IMPG2: variants seen among roughly 807,000 people sequenced by gnomAD.
IMPG2 encodes the protein IPM 200.
In IMPG2, 91 loss-of-function variants were observed where a neutral mutation model predicts 129.2. The observed-to-expected ratio is 0.70, with a 90% CI of 0.59 to 0.84. IMPG2 has a LOEUF of 0.84. IMPG2 is among the 40% of genes least tolerant of loss of function. The pLI is 0.00. For missense variants in IMPG2, 1,430 were observed against 1,461.7 expected (o/e 0.98, Z 0.35); for synonymous variants, 510 against 517.7 (o/e 0.99, Z 0.20).
intron 4 of IMPG2, among the ~76,000 whole-genome samples, chr3:101,284,090 T>A (rs1706921061): frequency 6.6e-6 from 1 of 152,132 alleles, no homozygotes; most frequent in Non-Finnish European, 1.5e-5. Flanking sequence ...GGATTGGATG[T>A]GAGGTGTGGG....
Position 101,320,460 on chromosome 3 carries a change from G to A in IMPG2, c.-88C>T. The A allele has an allele frequency of 1.3e-6, 1 of 793,878 alleles. No individual in the cohort carries two copies. Among genetic ancestry groups the A allele is most frequent in the Non-Finnish European group, 2.2e-6 (1 of 453,236 alleles). The allele number at this position is 793,878 out of a possible 1,614,324, so 49.2% of individuals were successfully genotyped here. ...AAACTTCCAATAACAAAGAGTTATA[G>A]GAAAGACCTAACATTTAAAAGTCTA... On this transcript the variant is annotated 5_prime_UTR_variant, in exon 1 of 19. Coordinates refer to ENST00000193391, the MANE Select transcript of IMPG2 (RefSeq NM_016247.4).
intron 10 of IMPG2, among the ~76,000 whole-genome samples, chr3:101,255,607 T>C (rs1467005085): frequency 6.6e-6 from 1 of 152,130 alleles, no homozygotes; most frequent in East Asian, 1.9e-4. Flanking sequence ...ATCTCCTAAC[T>C]ATATCTTTTC....
chr3:101,227,469 T>C (rs994753187), intron 18 of IMPG2, among the ~76,000 whole-genome samples: 1 of 152,220 alleles, frequency 6.6e-6, no homozygotes, highest in Non-Finnish European at 1.5e-5. Flanking sequence ...CCTATAAGGC[T>C]CTCCTGAATC....
chr3:101,307,705 G>C (rs573294554), intron 2 of IMPG2, among the ~76,000 whole-genome samples: 2 of 152,270 alleles, frequency 1.3e-5, no homozygotes, highest in South Asian at 4.2e-4. Context: ...GAGATTTTGG[G>C]TGGGGATACA....
intron 5 of IMPG2, 140 bp downstream of exon 5, chr3:101,276,524 T>A: frequency 1.5e-6 from 1 of 660,886 alleles, no homozygotes; most frequent in Admixed American, 2.9e-5. Flanking sequence ...TACTTTTTCT[T>A]GAGACTCTTG....
chr3:101,230,948 C>T lies in IMPG2; in HGVS notation c.3422+9G>A, dbSNP rs754210120. 2 of 1,609,058 alleles carry T rather than the reference C, an allele frequency of 1.2e-6. No individual in the cohort carries two copies. ...TGTATTCCATTAGAGAGCTCTTTTC[C>T]TTATTTACCTGAAGGGACTCTCTCT... On this transcript the variant is annotated intron_variant, in intron 16 of 18. Transcript: ENST00000193391.
chr3:101,250,261 G>A (rs1481657246), intron 11 of IMPG2, among the ~76,000 whole-genome samples: 1 of 152,248 alleles, frequency 6.6e-6, no homozygotes, highest in Admixed American at 6.5e-5. Flanking sequence ...CAAGAACATA[G>A]GAGATAGAGC....
At chr3:101,256,461 G>A (rs946646316) in intron 10 of IMPG2, among the ~76,000 whole-genome samples, 56 of 152,152 alleles carry the variant, frequency 3.7e-4, no homozygotes, top group African/African-American at 1.3e-3. Flanking sequence ...AAAAAATCTT[G>A]ATTCCTATGT....
chr3:101,244,561 G>A lies in IMPG2; in HGVS notation c.1770C>T (p.Ser590=). The change falls in exon 13 of 19, where the codon TCC becomes TCT. Residue 590 remains serine (S), a synonymous_variant. Transcript: ENST00000193391. The stretch of plus-strand genomic sequence containing the variant: ...CGTCAAATATTAACTCTTTTTCCAT[G>A]GATGCATCTGGCAGGAAAGGGCTCA... ...LKVSPFLPDA[S]MEKELIFDGG... The A allele has an allele frequency of 1.3e-6, 2 of 1,592,060 alleles. No homozygotes were observed. Among genetic ancestry groups the A allele is most frequent in the Non-Finnish European group, 1.7e-6 (2 of 1,169,988 alleles).
chr3:101,313,133 TTCCC>T (rs1198601881), intron 2 of IMPG2, among the ~76,000 whole-genome samples: 1 of 152,102 alleles, frequency 6.6e-6, no homozygotes, highest in Non-Finnish European at 1.5e-5. Flanking sequence ...AAAAATGCAA[TTCCC>T]TCTGGAAAGG....
At chr3:101,296,890 G>C (rs1261516613) in intron 3 of IMPG2, among the ~76,000 whole-genome samples, 1 of 152,072 alleles carries the variant, frequency 6.6e-6, no homozygotes, top group African/African-American at 2.4e-5. Context: ...AGTATTCTCT[G>C]ACGGCAGTTT....
chr3:101,275,341 A>G (rs77309170), intron 6 of IMPG2, among the ~76,000 whole-genome samples: 4,391 of 152,238 alleles, frequency 0.029, 220 homozygotes, highest in African/African-American at 0.1. Context: ...GATCTGGTCT[A>G]TTAAGGGTGA....
chr3:101,264,236 C>T (rs190152030), intron 9 of IMPG2, among the ~76,000 whole-genome samples: 63 of 151,902 alleles, frequency 4.1e-4, no homozygotes, highest in Admixed American at 3.9e-3. Context: ...AAACAAGACA[C>T]GTACCTGACA....
chr3:101,256,601 A>C (rs1706613116), intron 10 of IMPG2, among the ~76,000 whole-genome samples: 1 of 152,096 alleles, frequency 6.6e-6, no homozygotes, highest in African/African-American at 2.4e-5. Context: ...ACACACACAG[A>C]GAACTAGGTA....
In IMPG2 at chr3:101,244,290, G is replaced by C. The variant is rs1327580941; in HGVS notation, c.2041C>G (p.Pro681Ala). The change falls in exon 13 of 19, where the codon CCT becomes GCT. Residue 681 changes from proline (P) to alanine (A), a missense_variant. Physicochemically the swap from Pro to Ala is conservative, Grantham distance 27 (BLOSUM62 -1). Coordinates refer to ENST00000193391, the MANE Select transcript of IMPG2 (RefSeq NM_016247.4). ...DRSTHFPEEE[P>A]LSGPAVPIFA... ...ATGGGCACAGCAGGCCCACTAAGAG[G>C]CTCTTCCTCTGGAAAGTGTGTGGAT... is the stretch of plus-strand genomic sequence containing the variant. 4.3e-6 allele frequency: 7 copies of C among 1,613,906 alleles called. No homozygotes were observed. The highest frequency in any genetic ancestry group is 4.5e-5 in the East Asian group (2 of 44,866).
Position 101,225,760 on chromosome 3 carries a change from T to G in IMPG2, c.*1209A>C, listed in dbSNP as rs1372799179. 6.6e-6 allele frequency: 1 copy of G among 152,168 alleles called. No individual in the cohort carries two copies. Among genetic ancestry groups the G allele is most frequent in the Non-Finnish European group, 1.5e-5 (1 of 68,032 alleles). 9.4% of individuals were successfully genotyped at this position (152,168 alleles called of 1,614,324 possible). The stretch of plus-strand genomic sequence containing the variant: ...CATATGCAATTTAATATCATGATGA[T>G]GATGATTTGGCCTCCTCCTCTCCCC... On this transcript the variant is annotated 3_prime_UTR_variant, in exon 19 of 19. Coordinates refer to ENST00000193391, the MANE Select transcript of IMPG2 (RefSeq NM_016247.4).
intron 9 of IMPG2, among the ~76,000 whole-genome samples, chr3:101,266,966 A>G (rs1706726960): frequency 2.6e-5 from 4 of 152,174 alleles, no homozygotes. Context: ...GCCTCCATTC[A>G]GTTACACATA....
Position 101,257,668 on chromosome 3 carries a change from A to G in IMPG2, c.1014T>C (p.Leu338=). ...LHSNKVENHG[L]VELDDKPTVV... Reference sequence around the variant, plus strand: ...CAGTGGGTTTATCATCCAGTTCCACAAGGCCATGGTTTTCCACCTTGTTGG... The same window carrying G: ...CAGTGGGTTTATCATCCAGTTCCACGAGGCCATGGTTTTCCACCTTGTTGG... The change falls in exon 10 of 19, where the codon CTT becomes CTC. Residue 338 remains leucine, a synonymous_variant. Coordinates refer to ENST00000193391, the MANE Select transcript of IMPG2 (RefSeq NM_016247.4). 6.2e-7 allele frequency: 1 copy of G among 1,613,482 alleles called. No homozygotes were observed. Among genetic ancestry groups the G allele is most frequent in the Non-Finnish European group, 8.5e-7 (1 of 1,179,590 alleles).
chr3:101,270,327 C>A (rs1203290327), intron 7 of IMPG2, among the ~76,000 whole-genome samples: 1 of 152,066 alleles, frequency 6.6e-6, no homozygotes, highest in African/African-American at 2.4e-5. Context: ...TGGCTGCTGG[C>A]ATCTTTTTCC....
Sources: gnomAD v4.1 joint callset for allele counts (sites outside exome capture counted in the v4.1 genomes callset) on GRCh38, gnomAD v4.1.1 for gene constraint, MANE v1.5 for transcripts, NCBI Gene and HGNC (gene_info 2026-07-23, HGNC 2026-07-21) for gene names.